APP: variants seen among roughly 807,000 people sequenced by gnomAD.
APP encodes the protein amyloid beta precursor protein.
A neutral mutation model predicts 101.4 loss-of-function variants in APP; 31 were observed. The ratio of observed to expected loss-of-function variants is 0.31; its 90% CI spans 0.23 to 0.41. The LOEUF (loss-of-function observed/expected upper bound fraction) is 0.41. APP is among the 10% of genes least tolerant of loss of function. The pLI is 1.00. For synonymous variants in APP, 366 were observed against 364.4 expected (o/e 1.00, Z -0.05); for missense variants, 839 against 1,003.7 (o/e 0.84, Z 2.22).
At chr21:26,101,095 CTTTTTTTTTTTT>C (rs35407047) in intron 2 of APP, among the ~76,000 whole-genome samples, 6 of 79,352 alleles carry the variant, frequency 7.6e-5, no homozygotes, top group East Asian at 4.4e-4. Context: ...TTTTTTTTTC[CTTTTTTTTTTTT>C]TTTTTTTTTT....
intron 1 of APP, among the ~76,000 whole-genome samples, chr21:26,151,912 A>G (rs1036165782): frequency 2.0e-5 from 3 of 152,130 alleles, no homozygotes; most frequent in Admixed American, 6.5e-5. Flanking sequence ...ATATTACCTG[A>G]TATTTGGCAA....
intron 1 of APP, among the ~76,000 whole-genome samples, chr21:26,153,892 G>A (rs2063325925): frequency 6.6e-6 from 1 of 152,028 alleles, no homozygotes; most frequent in African/African-American, 2.4e-5. Flanking sequence ...CATCCATGCT[G>A]GTAAATATTT....
At chr21:26,092,707 G>A (rs1259450877) in intron 2 of APP, among the ~76,000 whole-genome samples, 1 of 152,134 alleles carries the variant, frequency 6.6e-6, no homozygotes, top group African/African-American at 2.4e-5. Context: ...ATCAATGTTG[G>A]TTCATCGATT....
At chr21:26,072,493 C>T (rs1332957217) in intron 3 of APP, among the ~76,000 whole-genome samples, 3 of 152,084 alleles carry the variant, frequency 2.0e-5, no homozygotes, top group Non-Finnish European at 4.4e-5. Context: ...ATCTGAAATA[C>T]TTTTCAACGT....
At chr21:25,947,943 T>G (rs569077303) in intron 13 of APP, among the ~76,000 whole-genome samples, 117 of 142,390 alleles carry the variant, frequency 8.2e-4, no homozygotes, top group African/African-American at 3.1e-3. Flanking sequence ...AGGCGGAGGT[T>G]GCAGTGAGCC....
chr21:26,012,783 G>T (rs2043868385), intron 6 of APP, among the ~76,000 whole-genome samples: 1 of 152,090 alleles, frequency 6.6e-6, no homozygotes, highest in Non-Finnish European at 1.5e-5. Flanking sequence ...AGACCAGTCT[G>T]GCCAACGTGG....
intron 13 of APP, among the ~76,000 whole-genome samples, chr21:25,950,636 C>T (rs2041033542): frequency 1.3e-5 from 2 of 151,994 alleles, no homozygotes. Context: ...CTGCCGCCGG[C>T]CTGCAGCTGT....
intron 3 of APP, among the ~76,000 whole-genome samples, chr21:26,083,778 C>G (rs771329160): frequency 6.6e-5 from 10 of 152,160 alleles, no homozygotes; most frequent in Non-Finnish European, 1.0e-4. Context: ...AAGAAAATAT[C>G]AGCAAAGCCC....
intron 13 of APP, among the ~76,000 whole-genome samples, chr21:25,940,920 C>T (rs953849456): frequency 9.9e-5 from 15 of 152,172 alleles, no homozygotes; most frequent in African/African-American, 3.6e-4. Flanking sequence ...GCTTTTCCAA[C>T]AAGTTCCCAG....
chr21:26,029,025 G>A (rs113174522), intron 5 of APP, among the ~76,000 whole-genome samples: 6 of 152,270 alleles, frequency 3.9e-5, no homozygotes, highest in African/African-American at 1.4e-4. Context: ...TGCATGGATG[G>A]CTGAGGCAGG....
At position 25,910,288 on chromosome 21, in the gene APP, C is replaced by T. The variant is rs141750516; in HGVS notation, c.1909+1453G>A. Among the ~76,000 whole-genome samples the T allele has an allele frequency of 4.6e-3, 705 of 152,194 alleles. 10 individuals are homozygous for T. Among genetic ancestry groups the T allele is most frequent in the East Asian group, 0.04 (207 of 5,168 alleles). The stretch of plus-strand genomic sequence containing the variant: ...GACTACAGGTGCCCGCCACCACGCC[C>T]GGCTAACTTTTTTTTGTATTTTTAG... On this transcript the variant is annotated intron_variant, in intron 14 of 17. Coordinates refer to ENST00000346798, the MANE Select transcript of APP (RefSeq NM_000484.4).
intron 17 of APP, among the ~76,000 whole-genome samples, chr21:25,887,801 C>A (rs1231213113): frequency 1.3e-5 from 2 of 152,112 alleles, no homozygotes; most frequent in Non-Finnish European, 2.9e-5. Context: ...AGGTGTGTAG[C>A]CCAGGTGTGT....
chr21:26,032,802 A>AT lies in APP; in HGVS notation c.663-10761_663-10760insA, dbSNP rs1568885182. 3.7e-3 allele frequency among the ~76,000 whole-genome samples: 480 copies of AT among 128,564 alleles called. 9 individuals carry two copies. The highest frequency in any genetic ancestry group is 0.013 in the African/African-American group (454 of 34,070). The allele number at this position is 128,564 out of a possible 152,430, so 84.3% of individuals were successfully genotyped here. The stretch of plus-strand genomic sequence containing the variant: ...TGGGGCTTATTATTTTAGAAAAAAA[A>AT]AAAATATATATATATATATAAAGAG... On this transcript the variant is annotated intron_variant, in intron 5 of 17. Coordinates refer to ENST00000346798, the MANE Select transcript of APP (RefSeq NM_000484.4).
chr21:26,013,896 T>C (rs1297882786), intron 6 of APP, among the ~76,000 whole-genome samples: 2 of 152,158 alleles, frequency 1.3e-5, no homozygotes, highest in Non-Finnish European at 2.9e-5. Flanking sequence ...AAAGTGTGTA[T>C]CAAACACCTC....
At chr21:25,997,785 T>C (rs2043114372) in intron 7 of APP, among the ~76,000 whole-genome samples, 1 of 152,214 alleles carries the variant, frequency 6.6e-6, no homozygotes, top group South Asian at 2.1e-4. Flanking sequence ...GCTCTGGCTG[T>C]TTGCTGAGGC....
At chr21:26,169,222 T>C (rs911518108) in intron 1 of APP, 2 of 152,294 alleles carry the variant, frequency 1.3e-5, no homozygotes, top group Admixed American at 6.5e-5. Context: ...ATACACCTAG[T>C]GGTGGGTGGA....
At chr21:25,996,461 T>C (rs981672547) in intron 8 of APP, among the ~76,000 whole-genome samples, 4 of 152,248 alleles carry the variant, frequency 2.6e-5, no homozygotes, top group African/African-American at 9.6e-5. Context: ...TTATGTATTA[T>C]AGTCTCTTGT....
chr21:26,112,176 TA>T, intron 1 of APP, 30 bp from the exon 2 acceptor site: 1 of 1,610,486 alleles, frequency 6.2e-7, no homozygotes, highest in Non-Finnish European at 8.5e-7. Context: ...TTAGTTATAG[TA>T]TCCATAGCTC....
At chr21:26,003,102 G>C (rs2043367854) in intron 6 of APP, among the ~76,000 whole-genome samples, 1 of 152,154 alleles carries the variant, frequency 6.6e-6, no homozygotes, top group South Asian at 2.1e-4. Context: ...TAAACATAAT[G>C]CTACATTCAT....
Sources: allele counts gnomAD v4.1 joint callset (sites outside exome capture counted in the v4.1 genomes callset), GRCh38; gene constraint gnomAD v4.1.1; transcripts MANE v1.5; gene names NCBI Gene and HGNC (gene_info 2026-07-23, HGNC 2026-07-21).